Variants in MEGF6 observed in about 807,000 individuals in gnomAD.
MEGF6 encodes multiple epidermal growth factor-like domains protein 6.
A neutral mutation model predicts 207.1 loss-of-function variants in MEGF6; 184 were observed. That is an observed-to-expected ratio of 0.89 (90% CI 0.79 to 1.00). MEGF6 has a LOEUF of 1.00. MEGF6 is among the 50% of genes least tolerant of loss of function. The pLI, the probability that MEGF6 is intolerant of heterozygous loss-of-function variation, is 0.00. For missense variants in MEGF6, 2,282 were observed against 2,202.9 expected (o/e 1.04, Z -0.72); for synonymous variants, 1,038 against 910.0 (o/e 1.14, Z -2.53).
rs189251637 is a variant in MEGF6, at chr1:3,592,954, C to T, written c.376+2384G>A. ...CCCTCCCCTGCTCCCTGCCCCCAGC[C>T]TCAGCCCAGCCCGGGCTGCCCCGGG... On this transcript the variant is annotated intron_variant, in intron 3 of 36. Transcript: ENST00000356575. Among the ~76,000 whole-genome samples, 38 of 152,322 alleles carry T rather than the reference C, an allele frequency of 2.5e-4. No individual in the cohort carries two copies. The East Asian group carries it at 5.6e-3, about 22-fold the overall frequency.
chr1:3,537,109 TG>T (rs1467791768), intron 4 of MEGF6, among the ~76,000 whole-genome samples: 4 of 152,114 alleles, frequency 2.6e-5, no homozygotes, highest in Non-Finnish European at 5.9e-5. Flanking sequence ...GTGGGCATAG[TG>T]GGGGCTGCCT....
chr1:3,605,515 TAC>T (rs995737771), intron 1 of MEGF6, among the ~76,000 whole-genome samples: 9 of 149,198 alleles, frequency 6.0e-5, no homozygotes, highest in Non-Finnish European at 1.3e-4. Context: ...ATCACACACA[TAC>T]ACATTCACAC....
chr1:3,531,221 G>T (rs1406373790), intron 4 of MEGF6: 40 of 1,488,248 alleles, frequency 2.7e-5, no homozygotes, highest in Non-Finnish European at 3.6e-5. Flanking sequence ...AGCGCGGCCA[G>T]CCCGCGGTCC....
At position 3,594,929 on chromosome 1, in the gene MEGF6, C is replaced by G. The variant is rs1644035452; in HGVS notation, c.376+409G>C. 6.6e-6 allele frequency among the ~76,000 whole-genome samples: 1 copy of G among 151,618 alleles called. No individual in the cohort carries two copies. Among genetic ancestry groups the G allele is most frequent in the Non-Finnish European group, 1.5e-5 (1 of 67,892 alleles). On this transcript the variant is annotated intron_variant, in intron 3 of 36. Coordinates refer to ENST00000356575, the MANE Select transcript of MEGF6 (RefSeq NM_001409.4). This position sits in a 1 kb window ranked among gnomAD's most constrained non-coding sequence, Gnocchi z 4.2. ...CCGGCCCGGATTGGCCTTGGGAGAACACGGTATAGGGAAACAGGGCAGGGA... is the reference window on the plus strand; with the variant it reads ...CCGGCCCGGATTGGCCTTGGGAGAAGACGGTATAGGGAAACAGGGCAGGGA...
At chr1:3,570,732 T>G (rs1643471060) in intron 4 of MEGF6, among the ~76,000 whole-genome samples, 1 of 152,212 alleles carries the variant, frequency 6.6e-6, no homozygotes, top group Non-Finnish European at 1.5e-5. Flanking sequence ...AGGCCCTCAC[T>G]GCCTGCAGGG....
At chr1:3,577,940 C>G (rs1643687787) in intron 4 of MEGF6, among the ~76,000 whole-genome samples, 3 of 152,206 alleles carry the variant, frequency 2.0e-5, no homozygotes, top group African/African-American at 4.8e-5. Context: ...CCGCAGTGAG[C>G]CTCCTGCAAG....
At chr1:3,583,124 G>A (rs1257960456) in intron 3 of MEGF6, among the ~76,000 whole-genome samples, 1 of 152,184 alleles carries the variant, frequency 6.6e-6, no homozygotes, top group African/African-American at 2.4e-5. Flanking sequence ...GCTACCCATG[G>A]ACTTGCTCCC....
chr1:3,493,015 G>A (rs955410668), intron 34 of MEGF6: 26 of 541,072 alleles, frequency 4.8e-5, no homozygotes, highest in South Asian at 2.5e-4. Context: ...CCAGGCACAC[G>A]TCCAGAGTCA....
At position 3,505,521 on chromosome 1, in the gene MEGF6, C is replaced by A; in HGVS notation, c.1954G>T (p.Glu652Ter). The stretch of plus-strand genomic sequence containing the variant: ...TGGGGCTGCACACACTGGCACTCCT[C>A]CGAGCAGCCCGGCCCAAAGGCCCAC... ...PPWAFGPGCS[E>*]ECQCVQPHTQ... The change falls in exon 16 of 37, where the codon GAG becomes TAG. Residue 652 changes from glutamate to a stop codon, truncating the protein, a stop_gained. Coordinates refer to ENST00000356575, the MANE Select transcript of MEGF6 (RefSeq NM_001409.4). LOFTEE classifies it high-confidence loss of function. The A allele has an allele frequency of 6.3e-7, 1 of 1,598,046 alleles. No individual in the cohort carries two copies. The highest frequency in any genetic ancestry group is 8.5e-7 in the Non-Finnish European group (1 of 1,174,226).
At chr1:3,589,185 C>T (rs116156399) in intron 3 of MEGF6, among the ~76,000 whole-genome samples, 76 of 152,204 alleles carry the variant, frequency 5.0e-4, no homozygotes, top group African/African-American at 1.7e-3. Flanking sequence ...AACCACGGAA[C>T]GCCGCGGAAG....
At chr1:3,533,296 C>A (rs1477852393) in intron 4 of MEGF6, among the ~76,000 whole-genome samples, 1 of 152,236 alleles carries the variant, frequency 6.6e-6, no homozygotes, top group Non-Finnish European at 1.5e-5. Context: ...CAGAAATGGG[C>A]CTGCCTGGGC....
At chr1:3,555,710 G>C in intron 4 of MEGF6, among the ~76,000 whole-genome samples, 1 of 152,168 alleles carries the variant, frequency 6.6e-6, no homozygotes, top group South Asian at 2.1e-4. Flanking sequence ...CCGCAGGGCT[G>C]CCAGGTCAGG....
intron 4 of MEGF6, among the ~76,000 whole-genome samples, chr1:3,559,429 G>C (rs1433936764): frequency 6.6e-6 from 1 of 151,198 alleles, no homozygotes; most frequent in Non-Finnish European, 1.5e-5. Context: ...GGCTGAGACA[G>C]GAGGATCATG....
intron 5 of MEGF6, among the ~76,000 whole-genome samples, chr1:3,515,810 A>C (rs1339081187): frequency 2.0e-5 from 3 of 152,204 alleles, no homozygotes; most frequent in African/African-American, 7.2e-5. Context: ...TGGACACAGA[A>C]GGGGACCCCA....
chr1:3,512,510 T>C (rs941842121), intron 7 of MEGF6, among the ~76,000 whole-genome samples: 21 of 152,194 alleles, frequency 1.4e-4, no homozygotes, highest in Middle Eastern at 3.2e-3. Context: ...CTCCCACAGT[T>C]CCCACGTGTG....
At chr1:3,547,034 T>TG (rs760792918) in intron 4 of MEGF6, 3,860 of 153,698 alleles carry the variant, frequency 0.025, 148 homozygotes, top group African/African-American at 0.086. Flanking sequence ...AGCTGGTGGC[T>TG]GGGGGGGGGC....
intron 3 of MEGF6, among the ~76,000 whole-genome samples, chr1:3,593,059 G>A (rs1257274444): frequency 6.6e-6 from 1 of 152,178 alleles, no homozygotes; most frequent in Non-Finnish European, 1.5e-5. Context: ...GTTCTTCTAA[G>A]GCTCCAGGGT....
At chr1:3,522,893 G>A (rs1021842150) in intron 5 of MEGF6, among the ~76,000 whole-genome samples, 16 of 152,208 alleles carry the variant, frequency 1.1e-4, no homozygotes, top group Admixed American at 1.0e-3. Context: ...GGGGGTGCAA[G>A]GCTAAAGTGC....
intron 10 of MEGF6, among the ~76,000 whole-genome samples, chr1:3,510,557 G>A (rs56310990): frequency 1.2e-5 from 1 of 83,620 alleles, no homozygotes; most frequent in Non-Finnish European, 2.1e-5. Context: ...ACTCAGCAGG[G>A]GCTCAACCAA....
Sources: allele counts gnomAD v4.1 joint callset (sites outside exome capture counted in the v4.1 genomes callset), GRCh38; gene constraint gnomAD v4.1.1; non-coding constraint Gnocchi (gnomAD v3.1); transcripts MANE v1.5; gene names NCBI Gene and HGNC (gene_info 2026-07-23, HGNC 2026-07-21).